CACNA2D1: variants seen among roughly 807,000 people sequenced by gnomAD.
The protein encoded by CACNA2D1 is voltage-dependent calcium channel subunit alpha-2/delta-1.
A neutral mutation model predicts 171.5 loss-of-function variants in CACNA2D1; 53 were observed. That is an observed-to-expected ratio of 0.31 (90% CI 0.25 to 0.39). CACNA2D1 has a LOEUF of 0.39. Ranked by LOEUF, CACNA2D1 falls within the 10% of genes least tolerant of loss-of-function variation. The pLI, the probability that CACNA2D1 is intolerant of heterozygous loss-of-function variation, is 1.00. For synonymous variants in CACNA2D1, 442 were observed against 443.1 expected, an observed-to-expected ratio of 1.00 and a Z score of 0.03; for missense variants, 903 against 1,299.8, an observed-to-expected ratio of 0.69 and a Z score of 4.69.
rs543032443 is a variant in CACNA2D1 at position 82,292,701 on chromosome 7, A to T, written c.294+42434T>A. On this transcript the variant is annotated intron_variant, in intron 3 of 38. Coordinates refer to ENST00000356860, the MANE Select transcript of CACNA2D1 (RefSeq NM_000722.4). ...TCTGGAGCTGTAATATAATTTCTTC[A>T]GTGTTCCCAAACCTCTTGTCAACGT... Among the ~76,000 whole-genome samples, 69 of 152,158 alleles carry T rather than the reference A, an allele frequency of 4.5e-4. 1 individual carries two copies. The Middle Eastern group carries it at 0.014, about 30-fold the overall frequency.
At chr7:81,960,351 TAAAATGTGACAAGTGTGAC>T (rs1308416191) in intron 36 of CACNA2D1, among the ~76,000 whole-genome samples, 6 of 152,020 alleles carry the variant, frequency 3.9e-5, no homozygotes, top group Non-Finnish European at 7.4e-5. Context: ...ATTGGGCACT[TAAAATGTGACAAGTGTGAC>T]TGAGGCACAA....
chr7:82,160,628 C>A lies in CACNA2D1; in HGVS notation c.354+9922G>T, dbSNP rs115252493. Among the ~76,000 whole-genome samples, 908 of 152,050 alleles carry A rather than the reference C, an allele frequency of 6.0e-3. 13 individuals are homozygous for A. Among genetic ancestry groups the A allele is most frequent in the African/African-American group, 0.021 (867 of 41,514 alleles). On this transcript the variant is annotated intron_variant, in intron 4 of 38. Transcript: ENST00000356860. The stretch of plus-strand genomic sequence containing the variant: ...GGACTACAGGTGTGTGCCACCATGC[C>A]CAGATAATTTTTTAATTGTAGACCT...
intron 6 of CACNA2D1, among the ~76,000 whole-genome samples, chr7:82,116,226 G>A (rs1328239420): frequency 6.6e-6 from 1 of 152,170 alleles, no homozygotes; most frequent in Non-Finnish European, 1.5e-5. Flanking sequence ...TGGAAGACCA[G>A]GGATATGACT....
At chr7:82,137,176 T>C (rs544941648) in intron 4 of CACNA2D1, among the ~76,000 whole-genome samples, 3 of 152,274 alleles carry the variant, frequency 2.0e-5, no homozygotes, top group African/African-American at 7.2e-5. Flanking sequence ...GGAATTCAGA[T>C]AGTAAAAAAT....
chr7:82,067,829 A>G (rs1378796260), intron 7 of CACNA2D1, among the ~76,000 whole-genome samples: 2 of 152,142 alleles, frequency 1.3e-5, no homozygotes, highest in African/African-American at 4.8e-5. Context: ...TCTCCAAGAT[A>G]GGGTCTTAGT....
intron 6 of CACNA2D1, among the ~76,000 whole-genome samples, chr7:82,104,610 T>C (rs535784015): frequency 2.4e-4 from 37 of 152,180 alleles, no homozygotes; most frequent in African/African-American, 7.7e-4. Context: ...ATTCCACTTA[T>C]GTTTAAAAAG....
At chr7:81,978,801 CATATATAT>C (rs3083237) in intron 24 of CACNA2D1, among the ~76,000 whole-genome samples, 1 of 141,592 alleles carries the variant, frequency 7.1e-6, no homozygotes, top group South Asian at 2.3e-4. Flanking sequence ...CAAAACAGCA[CATATATAT>C]ATATATATAT....
intron 3 of CACNA2D1, among the ~76,000 whole-genome samples, chr7:82,185,534 G>A (rs1171667598): frequency 2.5e-5 from 1 of 40,812 alleles, no homozygotes; most frequent in Non-Finnish European, 4.6e-5. Flanking sequence ...GAGGAGGAGG[G>A]GGAGGAAGGG....
At chr7:82,304,360 A>G (rs1286780144) in intron 3 of CACNA2D1, among the ~76,000 whole-genome samples, 1 of 152,126 alleles carries the variant, frequency 6.6e-6, no homozygotes, top group South Asian at 2.1e-4. Flanking sequence ...CAAAAAAAAA[A>G]AAAAAGAAAA....
intron 3 of CACNA2D1, among the ~76,000 whole-genome samples, chr7:82,318,261 G>A (rs528784134): frequency 1.3e-5 from 2 of 152,174 alleles, no homozygotes; most frequent in South Asian, 2.1e-4. Flanking sequence ...TGGTATCTAA[G>A]CTCAAGTTCA....
At position 81,994,911 on chromosome 7, in the gene CACNA2D1, C is replaced by G. The variant is rs964877499; in HGVS notation, c.1691G>C (p.Ser564Thr). The G allele has an allele frequency of 6.5e-7, 1 of 1,550,166 alleles. No homozygotes were observed. The highest frequency in any genetic ancestry group is 8.9e-7 in the Non-Finnish European group (1 of 1,122,052). Residue 564 changes from serine to threonine, a missense_variant, in exon 20 of 39, where the codon AGT becomes ACT. This residue lies in a region of CACNA2D1 where 623 missense variants were observed against 925.5 expected (regional missense o/e 0.67). Coordinates refer to ENST00000356860, the MANE Select transcript of CACNA2D1 (RefSeq NM_000722.4). ...CAGAGTTCTGAATGTTTTTTCTCCA[C>G]TTTCCCCATCAATCATCTTATTTCG... ...EIRNKMIDGE[S>T]GEKTFRTLVK...
chr7:82,083,227 T>A (rs1055093694), intron 7 of CACNA2D1, among the ~76,000 whole-genome samples: 20 of 152,082 alleles, frequency 1.3e-4, no homozygotes, highest in Non-Finnish European at 2.5e-4. Flanking sequence ...GAAAGCTACA[T>A]AATGCTGTAA....
intron 10 of CACNA2D1, chr7:82,050,475 G>A (rs1805066911): frequency 7.5e-6 from 5 of 664,152 alleles, no homozygotes; most frequent in South Asian, 6.5e-5. Flanking sequence ...TAGTGAGATG[G>A]GTTTCCAGCC....
At chr7:82,110,858 T>G (rs912589721) in intron 6 of CACNA2D1, among the ~76,000 whole-genome samples, 1 of 152,118 alleles carries the variant, frequency 6.6e-6, no homozygotes, top group Non-Finnish European at 1.5e-5. Context: ...ATCATTAACC[T>G]CTTCTCTATT....
At chr7:82,244,196 A>G (rs973043587) in intron 3 of CACNA2D1, among the ~76,000 whole-genome samples, 4 of 152,084 alleles carry the variant, frequency 2.6e-5, no homozygotes, top group African/African-American at 9.7e-5. Context: ...TAAAATTTTC[A>G]TTTTAATCTC....
intron 12 of CACNA2D1, among the ~76,000 whole-genome samples, chr7:82,031,280 G>C (rs2131138801): frequency 6.6e-6 from 1 of 152,026 alleles, no homozygotes. Context: ...ACATCTTCCA[G>C]GTGGTGAGGA....
At chr7:82,156,125 A>C (rs977349323) in intron 4 of CACNA2D1, among the ~76,000 whole-genome samples, 2 of 152,190 alleles carry the variant, frequency 1.3e-5, no homozygotes, top group Non-Finnish European at 2.9e-5. Context: ...GTAATTACAT[A>C]ATATTTAATG....
intron 34 of CACNA2D1, among the ~76,000 whole-genome samples, chr7:81,963,180 A>T (rs1373157949): frequency 1.3e-5 from 2 of 151,974 alleles, no homozygotes; most frequent in Non-Finnish European, 1.5e-5. Flanking sequence ...AGAAAATACC[A>T]TTTTTCAGAA....
At chr7:82,175,914 G>A (rs963821621) in intron 3 of CACNA2D1, among the ~76,000 whole-genome samples, 3 of 149,950 alleles carry the variant, frequency 2.0e-5, no homozygotes, top group East Asian at 3.9e-4. Flanking sequence ...TCTTCAACAC[G>A]TACATATGAG....
Sources: allele counts gnomAD v4.1 joint callset (sites outside exome capture counted in the v4.1 genomes callset), GRCh38; gene constraint gnomAD v4.1.1; regional missense constraint gnomAD v4.1.1; transcripts MANE v1.5; gene names NCBI Gene and HGNC (gene_info 2026-07-23, HGNC 2026-07-21).